Variants in CACNB4 observed in about 807,000 individuals in gnomAD.
CACNB4 encodes voltage-dependent L-type calcium channel subunit beta-4.
Under a neutral mutation model 71.2 loss-of-function variants are expected in CACNB4, and 32 were observed. That is an observed-to-expected ratio of 0.45 (90% confidence interval 0.34 to 0.60). CACNB4 has a LOEUF of 0.60. Among genes scored for constraint, CACNB4 ranks in the 20% least tolerant of loss-of-function variants. The pLI, the probability that CACNB4 is intolerant of heterozygous loss-of-function variation, is 0.01. For synonymous variants in CACNB4, 231 were observed against 236.9 expected (o/e 0.97, Z 0.23); for missense variants, 464 against 647.9 (o/e 0.72, Z 3.08).
At chr2:151,955,041 G>C (rs2099867886) in intron 2 of CACNB4, among the ~76,000 whole-genome samples, 1 of 151,906 alleles carries the variant, frequency 6.6e-6, no homozygotes, top group Admixed American at 6.6e-5. Flanking sequence ...ATTTTTAGTA[G>C]AGACAGGGTT....
chr2:151,917,614 A>T (rs1373012226), intron 2 of CACNB4, among the ~76,000 whole-genome samples: 3 of 152,136 alleles, frequency 2.0e-5, no homozygotes, highest in Non-Finnish European at 4.4e-5. Flanking sequence ...AGGCAGGTGG[A>T]TCACCTGAGG....
At chr2:151,848,193 T>C (rs1403846211) in intron 12 of CACNB4, among the ~76,000 whole-genome samples, 4 of 152,216 alleles carry the variant, frequency 2.6e-5, no homozygotes, top group Non-Finnish European at 5.9e-5. Flanking sequence ...ATAGCATTGG[T>C]GGGAATGAAC....
At chr2:151,891,224 T>C (rs1487255375) in intron 2 of CACNB4, among the ~76,000 whole-genome samples, 1 of 152,186 alleles carries the variant, frequency 6.6e-6, no homozygotes, top group Non-Finnish European at 1.5e-5. Context: ...TTTCTTTTAA[T>C]TGCTAGTCTG....
At chr2:151,928,407 A>G (rs1396069831) in intron 2 of CACNB4, among the ~76,000 whole-genome samples, 2 of 152,184 alleles carry the variant, frequency 1.3e-5, no homozygotes, top group African/African-American at 4.8e-5. Context: ...GGCAAGGACC[A>G]TGCCTCATTT....
At chr2:151,966,222 G>A (rs1276309931) in intron 2 of CACNB4, among the ~76,000 whole-genome samples, 1 of 152,180 alleles carries the variant, frequency 6.6e-6, no homozygotes, top group Non-Finnish European at 1.5e-5. Flanking sequence ...TCACTGTTAA[G>A]AAGTGGCAAA....
intron 2 of CACNB4, among the ~76,000 whole-genome samples, chr2:152,011,529 C>T (rs535130039): frequency 6.6e-6 from 1 of 152,294 alleles, no homozygotes; most frequent in South Asian, 2.1e-4. Flanking sequence ...CCCTGCCGTC[C>T]CAGTAGCAAC....
Position 151,957,257 on chromosome 2 carries a change from C to CGTGTGTGTGTGT in CACNB4, c.148-73899_148-73888dup, listed in dbSNP as rs1553791572. On this transcript the variant is annotated intron_variant, in intron 2 of 13. Coordinates refer to ENST00000539935, the MANE Select transcript of CACNB4 (RefSeq NM_000726.5). ...AGAAAAAAAAAGTAGAGTGGCTGGG[C>CGTGTGTGTGTGT]GTGTGTGTGTGTGTGTGTGTGTGTG... Among the ~76,000 whole-genome samples the CGTGTGTGTGTGT allele has an allele frequency of 3.5e-3, 464 of 131,836 alleles. 7 individuals are homozygous for CGTGTGTGTGTGT. The highest frequency in any genetic ancestry group is 0.016 in the East Asian group (76 of 4,612). 86.5% of individuals were successfully genotyped at this position (131,836 alleles called of 152,430 possible).
chr2:152,000,113 CA>C (rs1682314518), intron 2 of CACNB4, among the ~76,000 whole-genome samples: 2 of 152,342 alleles, frequency 1.3e-5, no homozygotes, highest in African/African-American at 4.8e-5. Context: ...GAATTTTCAA[CA>C]ATGATGCTCA....
chr2:151,853,389 A>G, intron 12 of CACNB4, 59 bp downstream of exon 12: 1 of 983,790 alleles, frequency 1.0e-6, no homozygotes, highest in Non-Finnish European at 1.5e-6. Flanking sequence ...TGAAGAAAAA[A>G]AAACCCACCC....
chr2:151,861,842 C>CAAAAAAAAAAAAAAAAAAAAAAAAAAA (rs35080979), intron 9 of CACNB4: 1 of 61,896 alleles, frequency 1.6e-5, no homozygotes, highest in African/African-American at 6.6e-5. Flanking sequence ...GACCCTGTCT[C>CAAAAAAAAAAAAAAAAAAAAAAAAAAA]AAAAAAAAAA....
At chr2:152,005,308 T>C (rs908459887) in intron 2 of CACNB4, among the ~76,000 whole-genome samples, 2 of 152,120 alleles carry the variant, frequency 1.3e-5, no homozygotes, top group Non-Finnish European at 2.9e-5. Context: ...AAAGAAAACG[T>C]GGGACATATA....
At chr2:152,090,573 G>A (rs1687912351) in intron 2 of CACNB4, among the ~76,000 whole-genome samples, 1 of 151,328 alleles carries the variant, frequency 6.6e-6, no homozygotes, top group Non-Finnish European at 1.5e-5. Context: ...AACCTGGGAG[G>A]CAGAGGTTGC....
intron 10 of CACNB4, among the ~76,000 whole-genome samples, chr2:151,856,395 C>T (rs1286219572): frequency 6.6e-6 from 1 of 152,022 alleles, no homozygotes; most frequent in Non-Finnish European, 1.5e-5. Context: ...CCTCTACCTC[C>T]CGGGTTCAAG....
chr2:152,005,620 C>T (rs1423726223), intron 2 of CACNB4, among the ~76,000 whole-genome samples: 3 of 152,156 alleles, frequency 2.0e-5, no homozygotes, highest in Non-Finnish European at 4.4e-5. Flanking sequence ...ACCACACAAC[C>T]TCGTCCTTGG....
chr2:152,078,813 C>T (rs368852377), intron 2 of CACNB4, among the ~76,000 whole-genome samples: 7 of 152,320 alleles, frequency 4.6e-5, no homozygotes, highest in East Asian at 1.9e-4. Flanking sequence ...CAACCACCCA[C>T]GCTGAACTGC....
chr2:151,944,424 G>A (rs1446341130), intron 2 of CACNB4, among the ~76,000 whole-genome samples: 1 of 152,104 alleles, frequency 6.6e-6, no homozygotes. Flanking sequence ...GAAAAAATTA[G>A]TCTTGAGTTA....
chr2:151,842,213 T>C, intron 12 of CACNB4, 125 bp from the exon 13 acceptor site: 1 of 732,952 alleles, frequency 1.4e-6, no homozygotes, highest in Non-Finnish European at 2.3e-6. Flanking sequence ...TTTGAGGTGC[T>C]ATATGGGCAG....
intron 2 of CACNB4, among the ~76,000 whole-genome samples, chr2:151,926,881 C>A (rs10930837): frequency 0.15 from 22,703 of 152,160 alleles, 3,373 homozygotes; most frequent in African/African-American, 0.37. Context: ...AAATCCTTGA[C>A]TGCTACTTAC....
At chr2:152,092,672 T>C (rs748198347) in intron 2 of CACNB4, among the ~76,000 whole-genome samples, 33 of 152,116 alleles carry the variant, frequency 2.2e-4, no homozygotes, top group Non-Finnish European at 7.4e-5. Flanking sequence ...TCCATATCAT[T>C]ACACGCAGGG....
Sources: allele counts gnomAD v4.1 joint callset (sites outside exome capture counted in the v4.1 genomes callset), GRCh38; gene constraint gnomAD v4.1.1; transcripts MANE v1.5; gene names NCBI Gene and HGNC (gene_info 2026-07-23, HGNC 2026-07-21).